The following ZNF804B variants were observed in gnomAD, a reference collection of about 807,000 sequenced individuals.
ZNF804B encodes zinc finger protein 804B, also known as zinc finger 804B.
A neutral mutation model predicts 101.4 loss-of-function variants in ZNF804B; 80 were observed. That is an observed-to-expected ratio of 0.79 (90% CI 0.66 to 0.95). ZNF804B has a LOEUF of 0.95. ZNF804B is among the 40% of genes least tolerant of loss of function. ZNF804B has a pLI of 0.00. For synonymous variants in ZNF804B, 622 were observed against 558.8 expected, an observed-to-expected ratio of 1.11 and a Z score of -1.59; for missense variants, 1,673 against 1,561.9, an observed-to-expected ratio of 1.07 and a Z score of -1.20.
intron 1 of ZNF804B, among the ~76,000 whole-genome samples, chr7:88,783,526 T>TA (rs546715038): frequency 1.8e-4 from 28 of 152,268 alleles, no homozygotes; most frequent in African/African-American, 1.7e-4. Context: ...TCATATTTCT[T>TA]AAAAAATAGT....
intron 2 of ZNF804B, among the ~76,000 whole-genome samples, chr7:89,323,114 A>G (rs982348417): frequency 2.0e-5 from 3 of 152,228 alleles, no homozygotes; most frequent in African/African-American, 7.2e-5. Context: ...GGCCTAGGCC[A>G]TGTGAGGATA....
chr7:89,105,592 G>C (rs1790121795), intron 1 of ZNF804B, among the ~76,000 whole-genome samples: 1 of 152,012 alleles, frequency 6.6e-6, no homozygotes, highest in Non-Finnish European at 1.5e-5. Context: ...CTCAACCCAT[G>C]TTTGCCTCCA....
intron 1 of ZNF804B, among the ~76,000 whole-genome samples, chr7:89,175,952 T>A (rs192928431): frequency 6.6e-6 from 1 of 152,160 alleles, no homozygotes; most frequent in East Asian, 1.9e-4. Context: ...GTTCTAATAG[T>A]TTCTGGTAGA....
intron 1 of ZNF804B, among the ~76,000 whole-genome samples, chr7:88,948,306 A>ATTTTTT (rs68069374): frequency 6.5e-5 from 6 of 92,718 alleles, no homozygotes; most frequent in East Asian, 2.9e-4. Context: ...CCACCCATCC[A>ATTTTTT]TTTTTTTTTT....
At chr7:88,975,424 C>T (rs1793602739) in intron 1 of ZNF804B, among the ~76,000 whole-genome samples, 1 of 151,028 alleles carries the variant, frequency 6.6e-6, no homozygotes, top group Admixed American at 6.6e-5. Flanking sequence ...CTTTTTCGCA[C>T]ATCCTCACCA....
intron 1 of ZNF804B, among the ~76,000 whole-genome samples, chr7:89,133,075 G>A (rs1341288807): frequency 6.6e-6 from 1 of 151,928 alleles, no homozygotes; most frequent in Non-Finnish European, 1.5e-5. Flanking sequence ...GGCAGGGGGC[G>A]TGTATCTCAG....
intron 1 of ZNF804B, among the ~76,000 whole-genome samples, chr7:89,191,772 C>T (rs186405544): frequency 1.4e-4 from 21 of 151,872 alleles, no homozygotes; most frequent in Admixed American, 9.2e-4. Context: ...TGTATGAAAA[C>T]GGAGAAAATT....
Position 89,335,172 on chromosome 7 carries a change from A to G in ZNF804B, c.2190A>G (p.Arg730=), listed in dbSNP as rs761620177. The G allele has an allele frequency of 9.3e-6, 15 of 1,613,868 alleles. No homozygotes were observed. Among genetic ancestry groups the G allele is most frequent in the Non-Finnish European group, 1.3e-5 (15 of 1,179,916 alleles). The stretch of plus-strand genomic sequence containing the variant: ...TGAGAAGTACTTGTTCAAGTCATAG[A>G]TTCAATGGTAATAGCAGAGGTAATT... ...SSLRSTCSSH[R]FNGNSRGNLL... Residue 730 remains arginine, a synonymous_variant, in exon 4 of 4, where the codon AGA becomes AGG. Coordinates refer to ENST00000333190, the MANE Select transcript of ZNF804B (RefSeq NM_181646.5).
At chr7:88,995,478 T>C (rs796095627) in intron 1 of ZNF804B, among the ~76,000 whole-genome samples, 13 of 152,196 alleles carry the variant, frequency 8.5e-5, no homozygotes, top group African/African-American at 3.1e-4. Context: ...CATAAAAGTA[T>C]GCATCTGACT....
chr7:88,811,022 A>T (rs1200375406), intron 1 of ZNF804B, among the ~76,000 whole-genome samples: 1 of 152,094 alleles, frequency 6.6e-6, no homozygotes, highest in African/African-American at 2.4e-5. Flanking sequence ...AAACTGAGAA[A>T]CCCACCAAAA....
rs751922501 is a variant in ZNF804B, at chr7:89,338,460, A to G, written c.*1428A>G. ...GGAAAATGAAATAGAAAGGTTAAAT[A>G]CTAAATACTTGGTAAACAGTAGGAA... On this transcript the variant is annotated 3_prime_UTR_variant, in exon 4 of 4. Coordinates refer to ENST00000333190, the MANE Select transcript of ZNF804B (RefSeq NM_181646.5). Among the ~76,000 whole-genome samples the G allele has an allele frequency of 6.6e-5, 10 of 152,114 alleles. No individual in the cohort carries two copies. Among genetic ancestry groups the G allele is most frequent in the African/African-American group, 9.6e-5 (4 of 41,458 alleles).
intron 1 of ZNF804B, among the ~76,000 whole-genome samples, chr7:89,106,889 A>T (rs568679586): frequency 6.6e-6 from 1 of 152,108 alleles, no homozygotes; most frequent in East Asian, 1.9e-4. Context: ...TGAGGACAGC[A>T]TGTTGTTGGA....
chr7:89,124,063 G>A (rs183466138), intron 1 of ZNF804B, among the ~76,000 whole-genome samples: 1 of 152,236 alleles, frequency 6.6e-6, no homozygotes, highest in East Asian at 1.9e-4. Flanking sequence ...TTGGCTCCAA[G>A]TGAACTCAAG....
intron 1 of ZNF804B, among the ~76,000 whole-genome samples, chr7:89,143,811 G>A (rs1790750302): frequency 6.6e-6 from 1 of 151,974 alleles, no homozygotes; most frequent in African/African-American, 2.4e-5. Flanking sequence ...GTACAAAAAT[G>A]TTTAAAATGT....
chr7:89,092,068 A>G (rs1789897345), intron 1 of ZNF804B, among the ~76,000 whole-genome samples: 1 of 152,130 alleles, frequency 6.6e-6, no homozygotes, highest in Non-Finnish European at 1.5e-5. Flanking sequence ...TTTATTTCCC[A>G]TTGTTCTGGA....
intron 1 of ZNF804B, among the ~76,000 whole-genome samples, chr7:88,993,399 C>G (rs1264820619): frequency 6.6e-6 from 1 of 151,856 alleles, no homozygotes; most frequent in Non-Finnish European, 1.5e-5. Context: ...GAGGATAAGA[C>G]TACATTGACA....
At position 89,102,360 on chromosome 7, in the gene ZNF804B, T is replaced by C. The variant is rs563568415; in HGVS notation, c.109-115795T>C. On this transcript the variant is annotated intron_variant, in intron 1 of 3. Transcript: ENST00000333190. ...TTTGTTTTTCTGTTTTGTTTTGTTTTGTTTACTTTTTAATAAAAACCATTA... is the reference window on the plus strand; with the variant it reads ...TTTGTTTTTCTGTTTTGTTTTGTTTCGTTTACTTTTTAATAAAAACCATTA... Among the ~76,000 whole-genome samples the C allele has an allele frequency of 1.5e-3, 224 of 152,130 alleles. 1 individual carries two copies. The highest frequency in any genetic ancestry group is 5.3e-3 in the African/African-American group (219 of 41,516).
At chr7:89,024,619 C>A (rs199666838) in intron 1 of ZNF804B, among the ~76,000 whole-genome samples, 2,035 of 50,482 alleles carry the variant, frequency 0.04, no homozygotes, top group Middle Eastern at 0.058. Context: ...TTTTTTTTTA[C>A]AAAAAGTTTT....
intron 1 of ZNF804B, among the ~76,000 whole-genome samples, chr7:88,834,331 A>G (rs1159697786): frequency 6.6e-6 from 1 of 151,816 alleles, no homozygotes; most frequent in Non-Finnish European, 1.5e-5. Context: ...AGTGTAGCTA[A>G]AAACCTAGTA....
Sources: allele counts gnomAD v4.1 joint callset (sites outside exome capture counted in the v4.1 genomes callset), GRCh38; gene constraint gnomAD v4.1.1; transcripts MANE v1.5; gene names NCBI Gene and HGNC (gene_info 2026-07-23, HGNC 2026-07-21).